The following SRBD1 variants were observed in gnomAD, a reference collection of about 807,000 sequenced individuals.
SRBD1 encodes the protein S1 RNA binding domain 1.
SRBD1 carries 88 observed loss-of-function variants against 115.3 expected under a neutral mutation model. The observed-to-expected ratio is 0.76, with a 90% confidence interval of 0.64 to 0.91. The LOEUF (loss-of-function observed/expected upper bound fraction) is 0.91, where lower values mean the gene tolerates loss of function less well. Ranked by LOEUF, SRBD1 falls within the 40% of genes least tolerant of loss-of-function variation. The pLI is 0.00. For synonymous variants in SRBD1, 509 were observed against 407.7 expected, an observed-to-expected ratio of 1.25 and a Z score of -2.99; for missense variants, 1,385 against 1,177.4, an observed-to-expected ratio of 1.18 and a Z score of -2.58.
At chr2:45,539,419 G>C (rs1460213575) in intron 14 of SRBD1, among the ~76,000 whole-genome samples, 1 of 152,030 alleles carries the variant, frequency 6.6e-6, no homozygotes, top group African/African-American at 2.4e-5. Flanking sequence ...GTTAACAAAA[G>C]ATCCCCCACC....
chr2:45,585,892 A>G (rs1558496010), intron 4 of SRBD1, 118 bp from the exon 5 acceptor site: 1 of 763,082 alleles, frequency 1.3e-6, no homozygotes, highest in Non-Finnish European at 1.9e-6. Flanking sequence ...TACTTGCTAT[A>G]GTTTTTTAAA....
Position 45,429,507 on chromosome 2 carries a change from C to T in SRBD1, c.2050-9613G>A, listed in dbSNP as rs570621483. 5.9e-5 allele frequency among the ~76,000 whole-genome samples: 9 copies of T among 151,938 alleles called. No homozygotes were observed. The East Asian group carries it at 1.6e-3, about 26-fold the overall frequency. Reference sequence around the variant, plus strand: ...GATTCAACATACACAAATTACTAAACGTAATCCATCACATAAACAGAACCA... The same window carrying T: ...GATTCAACATACACAAATTACTAAATGTAATCCATCACATAAACAGAACCA... On this transcript the variant is annotated intron_variant, in intron 16 of 20. Coordinates refer to ENST00000263736, the MANE Select transcript of SRBD1 (RefSeq NM_018079.5).
chr2:45,516,617 T>C (rs1205969139), intron 14 of SRBD1, among the ~76,000 whole-genome samples: 2 of 152,226 alleles, frequency 1.3e-5, no homozygotes, highest in East Asian at 3.8e-4. Flanking sequence ...TGGATTATTC[T>C]GTACTGTTAA....
At chr2:45,607,517 T>C (rs1674310297) in intron 1 of SRBD1, among the ~76,000 whole-genome samples, 1 of 151,984 alleles carries the variant, frequency 6.6e-6, no homozygotes, top group Non-Finnish European at 1.5e-5. Flanking sequence ...ATATGACTCC[T>C]CAAAATTCCA....
chr2:45,602,180 G>C, intron 2 of SRBD1, 97 bp from the exon 3 acceptor site: 1 of 1,384,866 alleles, frequency 7.2e-7, no homozygotes. Context: ...GATAAAGTAG[G>C]AGGTGTTTAA....
intron 16 of SRBD1, among the ~76,000 whole-genome samples, chr2:45,450,890 A>G (rs1381184830): frequency 6.6e-6 from 1 of 152,126 alleles, no homozygotes; most frequent in East Asian, 1.9e-4. Flanking sequence ...GCCATTTCAA[A>G]ATGTCAATCA....
chr2:45,408,035 T>C (rs1411939629), intron 19 of SRBD1, among the ~76,000 whole-genome samples: 1 of 152,178 alleles, frequency 6.6e-6, no homozygotes, highest in Admixed American at 6.5e-5. Context: ...TACATTTTGA[T>C]GTATTTATGT....
At chr2:45,591,275 C>A (rs1031691937) in intron 4 of SRBD1, among the ~76,000 whole-genome samples, 7 of 152,132 alleles carry the variant, frequency 4.6e-5, no homozygotes, top group African/African-American at 1.7e-4. Flanking sequence ...TGGCCCCCAC[C>A]CAGGAACTGA....
chr2:45,547,898 G>T (rs940122050), intron 12 of SRBD1, among the ~76,000 whole-genome samples: 2 of 152,172 alleles, frequency 1.3e-5, no homozygotes, highest in Non-Finnish European at 2.9e-5. Flanking sequence ...ATTAATAGTA[G>T]CAAAAGCAAA....
chr2:45,464,538 G>A (rs1337476305), intron 16 of SRBD1, among the ~76,000 whole-genome samples: 1 of 152,174 alleles, frequency 6.6e-6, no homozygotes, highest in African/African-American at 2.4e-5. Context: ...TCCATACACT[G>A]AATTACACAA....
intron 16 of SRBD1, among the ~76,000 whole-genome samples, chr2:45,422,743 G>C (rs1243065774): frequency 6.6e-6 from 1 of 152,126 alleles, no homozygotes; most frequent in Admixed American, 6.5e-5. Context: ...TTTATCTATC[G>C]GCAAAGAGCT....
intron 16 of SRBD1, among the ~76,000 whole-genome samples, chr2:45,434,683 C>G (rs532872247): frequency 6.6e-6 from 1 of 152,216 alleles, no homozygotes; most frequent in African/African-American, 2.4e-5. Context: ...TTGACTTAAA[C>G]TTTTGGCCCA....
intron 14 of SRBD1, among the ~76,000 whole-genome samples, chr2:45,498,982 C>T (rs1302760351): frequency 6.6e-6 from 1 of 152,148 alleles, no homozygotes. Context: ...CTTCAATATA[C>T]TGAGTTCCTT....
intron 10 of SRBD1, among the ~76,000 whole-genome samples, chr2:45,558,752 C>T (rs569715306): frequency 2.2e-5 from 3 of 136,610 alleles, no homozygotes; most frequent in South Asian, 2.3e-4. Flanking sequence ...AGTGCAATGG[C>T]GCAATCTCGG....
At chr2:45,490,147 T>A (rs920560185) in intron 14 of SRBD1, among the ~76,000 whole-genome samples, 2 of 152,068 alleles carry the variant, frequency 1.3e-5, no homozygotes, top group Admixed American at 1.3e-4. Context: ...AAGGAGAAAA[T>A]GTAATGTTAA....
intron 16 of SRBD1, among the ~76,000 whole-genome samples, chr2:45,429,073 T>G (rs1668250985): frequency 6.6e-6 from 1 of 151,058 alleles, no homozygotes; most frequent in African/African-American, 2.4e-5. Flanking sequence ...GCTGGACACA[T>G]ATACCCACCC....
chr2:45,545,310 A>C (rs969636231), intron 14 of SRBD1, among the ~76,000 whole-genome samples: 2 of 131,820 alleles, frequency 1.5e-5, no homozygotes, highest in East Asian at 2.0e-4. Flanking sequence ...AAAAAAAAAA[A>C]AAAAACAGAT....
chr2:45,530,198 T>C (rs11899992), intron 14 of SRBD1, among the ~76,000 whole-genome samples: 14,655 of 151,996 alleles, frequency 0.096, 1,027 homozygotes, highest in African/African-American at 0.19. Context: ...CAGTCAAAAA[T>C]ATACCCATTA....
intron 14 of SRBD1, among the ~76,000 whole-genome samples, chr2:45,542,972 T>C (rs557212908): frequency 6.6e-6 from 1 of 152,214 alleles, no homozygotes; most frequent in South Asian, 2.1e-4. Flanking sequence ...TTTCATTATG[T>C]ATAAATCTAA....
Sources: allele counts gnomAD v4.1 joint callset (sites outside exome capture counted in the v4.1 genomes callset), GRCh38; gene constraint gnomAD v4.1.1; transcripts MANE v1.5; gene names NCBI Gene and HGNC (gene_info 2026-07-23, HGNC 2026-07-21).